The following EIF4G3 variants were observed in gnomAD, a reference collection of about 807,000 sequenced individuals.
EIF4G3 encodes eukaryotic translation initiation factor 4 gamma 3, also known as eIF-4-gamma 3.
A neutral mutation model predicts 186.4 loss-of-function variants in EIF4G3; 34 were observed. That is an observed-to-expected ratio of 0.18 (90% CI 0.14 to 0.24). The LOEUF (loss-of-function observed/expected upper bound fraction) is 0.24. Among genes scored for constraint, EIF4G3 ranks in the 10% least tolerant of loss-of-function variants. EIF4G3 has a pLI of 1.00. For synonymous variants in EIF4G3, 673 were observed against 679.5 expected, an observed-to-expected ratio of 0.99 and a Z score of 0.15; for missense variants, 1,536 against 1,948.5, an observed-to-expected ratio of 0.79 and a Z score of 3.99.
intron 2 of EIF4G3, among the ~76,000 whole-genome samples, chr1:21,146,668 A>AACCTCC (rs2097448607): frequency 6.6e-6 from 1 of 152,036 alleles, no homozygotes; most frequent in Non-Finnish European, 1.5e-5. Flanking sequence ...GAGGAAGGAG[A>AACCTCC]ACCACTTGAA....
At chr1:21,089,402 G>C (rs1159350041) in intron 2 of EIF4G3, among the ~76,000 whole-genome samples, 189 bp from the exon 3 acceptor site, 1 of 152,032 alleles carries the variant, frequency 6.6e-6, no homozygotes, top group East Asian at 1.9e-4. Flanking sequence ...CTCTTCAAAA[G>C]CCTTCCCATG....
intron 35 of EIF4G3, among the ~76,000 whole-genome samples, chr1:20,812,612 G>A (rs2059476135): frequency 6.6e-6 from 1 of 151,998 alleles, no homozygotes; most frequent in Admixed American, 6.6e-5. Context: ...GTTAAACATT[G>A]TATACAGCTT....
At chr1:21,103,278 C>A (rs1288630418) in intron 2 of EIF4G3, among the ~76,000 whole-genome samples, 1 of 152,118 alleles carries the variant, frequency 6.6e-6, no homozygotes, top group Non-Finnish European at 1.5e-5. Flanking sequence ...TGACTATTAC[C>A]ATCTACCCAG....
At chr1:20,848,056 C>A (rs1331865133) in intron 29 of EIF4G3, 1 of 326,036 alleles carries the variant, frequency 3.1e-6, no homozygotes, top group Admixed American at 4.4e-5. Context: ...ACCTCTGCCT[C>A]CCGGGCTTCA....
intron 5 of EIF4G3, among the ~76,000 whole-genome samples, chr1:21,001,519 C>T (rs1159680873): frequency 6.6e-6 from 1 of 152,030 alleles, no homozygotes; most frequent in Non-Finnish European, 1.5e-5. Flanking sequence ...CTAAATTGAT[C>T]TGGTGAGATC....
chr1:20,958,416 A>G (rs143795921), intron 12 of EIF4G3, among the ~76,000 whole-genome samples: 4 of 152,286 alleles, frequency 2.6e-5, no homozygotes, highest in Non-Finnish European at 4.4e-5. Flanking sequence ...TAAAATCCAT[A>G]TATGACAAAA....
intron 2 of EIF4G3, among the ~76,000 whole-genome samples, chr1:21,118,155 T>A (rs1260271050): frequency 6.6e-6 from 1 of 152,192 alleles, no homozygotes; most frequent in South Asian, 2.1e-4. Context: ...AAAGGCCGCA[T>A]AACCAAATGC....
intron 2 of EIF4G3, among the ~76,000 whole-genome samples, chr1:21,128,535 T>C (rs995965953): frequency 5.9e-5 from 9 of 152,060 alleles, no homozygotes; most frequent in East Asian, 3.9e-4. Flanking sequence ...AGTTTCAACA[T>C]TGTCAATTAT....
At chr1:20,995,506 G>C (rs2082096864) in intron 7 of EIF4G3, among the ~76,000 whole-genome samples, 1 of 151,956 alleles carries the variant, frequency 6.6e-6, no homozygotes, top group Non-Finnish European at 1.5e-5. Flanking sequence ...CAAGTAACTG[G>C]GATTACAGGT....
At chr1:20,917,326 T>C (rs2093990065) in intron 14 of EIF4G3, among the ~76,000 whole-genome samples, 1 of 152,176 alleles carries the variant, frequency 6.6e-6, no homozygotes, top group Non-Finnish European at 1.5e-5. Flanking sequence ...CGAAACGGTC[T>C]CTACAAACAA....
chr1:20,849,049 A>G (rs867769303), intron 29 of EIF4G3, among the ~76,000 whole-genome samples: 12,353 of 137,052 alleles, frequency 0.09, 168 homozygotes, highest in Non-Finnish European at 0.13. Context: ...TCTGTCTCAA[A>G]AAAAAAAAAA....
chr1:21,052,442 G>T (rs1258161819), intron 3 of EIF4G3, among the ~76,000 whole-genome samples: 1 of 152,162 alleles, frequency 6.6e-6, no homozygotes, highest in African/African-American at 2.4e-5. Context: ...AGACTTCTCA[G>T]AATCGTGTTA....
At chr1:21,089,069 G>A in intron 3 of EIF4G3, 69 bp downstream of exon 3, 1 of 688,730 alleles carries the variant, frequency 1.5e-6, no homozygotes. Context: ...AACAAACACT[G>A]CCTATAATTA....
intron 20 of EIF4G3, among the ~76,000 whole-genome samples, chr1:20,867,979 G>A (rs963924662): frequency 1.3e-5 from 2 of 151,594 alleles, no homozygotes; most frequent in African/African-American, 4.8e-5. Flanking sequence ...TTGAAGACTT[G>A]TTTTGGAATA....
At chr1:21,068,095 G>A (rs551585777) in intron 3 of EIF4G3, among the ~76,000 whole-genome samples, 130 of 151,658 alleles carry the variant, frequency 8.6e-4, no homozygotes, top group Middle Eastern at 6.8e-3. Flanking sequence ...AGAAGGGTCC[G>A]GGCACAGTGG....
chr1:20,878,383 G>A (rs542917299), intron 20 of EIF4G3, among the ~76,000 whole-genome samples: 2 of 151,828 alleles, frequency 1.3e-5, no homozygotes, highest in Admixed American at 6.6e-5. Flanking sequence ...CTTATTTTTC[G>A]GTCTAACCAT....
intron 14 of EIF4G3, among the ~76,000 whole-genome samples, chr1:20,907,006 CAG>C: frequency 6.6e-6 from 1 of 152,218 alleles, no homozygotes; most frequent in South Asian, 2.1e-4. Context: ...GAGAGTGACA[CAG>C]ATTTTCATGA....
Position 20,851,380 on chromosome 1 carries a change from A to C in EIF4G3, c.3650T>G (p.Leu1217Arg). Residue 1217 changes from leucine to arginine, a missense_variant, in exon 28 of 37, where the codon CTA becomes CGA. Around this residue, in one of 11 missense-constraint regions of EIF4G3, gnomAD observed 395 missense variants for 498.9 expected, o/e 0.79. Coordinates refer to ENST00000602326, the MANE Select transcript of EIF4G3 (RefSeq NM_001391906.1). ...FMRGGSSKDL[L>R]DNQSQEEQRR... ...CTGCTCTTCTTGAGACTGATTGTCT[A>C]GCAGGTCTTTACTGCTGCCACCCCT... The C allele has an allele frequency of 1.2e-6, 2 of 1,614,134 alleles. No individual in the cohort carries two copies. Among genetic ancestry groups the C allele is most frequent in the Non-Finnish European group, 1.7e-6 (2 of 1,180,028 alleles).
At chr1:21,090,694 T>A (rs2096165024) in intron 2 of EIF4G3, among the ~76,000 whole-genome samples, 1 of 152,226 alleles carries the variant, frequency 6.6e-6, no homozygotes, top group South Asian at 2.1e-4. Flanking sequence ...GTTCCATTTA[T>A]AATTCCCAGC....
Sources: allele counts gnomAD v4.1 joint callset (sites outside exome capture counted in the v4.1 genomes callset), GRCh38; gene constraint gnomAD v4.1.1; regional missense constraint gnomAD v4.1.1; transcripts MANE v1.5; gene names NCBI Gene and HGNC (gene_info 2026-07-23, HGNC 2026-07-21).